MACF1: variants seen among roughly 807,000 people sequenced by gnomAD.
MACF1 encodes microtubule-actin cross-linking factor 1.
In MACF1, 193 loss-of-function variants were observed where a neutral mutation model predicts 854.8. That is an observed-to-expected ratio of 0.23 (90% CI 0.20 to 0.25). MACF1 has a LOEUF of 0.25. Ranked by LOEUF, MACF1 falls within the 10% of genes least tolerant of loss-of-function variation. The pLI, the probability that MACF1 is intolerant of heterozygous loss-of-function variation, is 1.00. For synonymous variants in MACF1, 3,185 were observed against 3,226.7 expected, an observed-to-expected ratio of 0.99 and a Z score of 0.44; for missense variants, 7,722 against 8,929.1, an observed-to-expected ratio of 0.86 and a Z score of 5.45.
chr1:39,240,173 T>A (rs149095923), intron 2 of MACF1, among the ~76,000 whole-genome samples: 2 of 152,232 alleles, frequency 1.3e-5, no homozygotes, highest in Admixed American at 1.3e-4. Flanking sequence ...ACTGGCTCCC[T>A]AATCACTGGG....
intron 85 of MACF1, 33 bp downstream of exon 85, chr1:39,451,244 A>G: frequency 6.2e-7 from 1 of 1,602,482 alleles, no homozygotes; most frequent in Non-Finnish European, 8.5e-7. Context: ...ATTGGAGTGC[A>G]GTGGGTCTTC....
intron 58 of MACF1, chr1:39,413,116 T>C: frequency 6.2e-7 from 1 of 1,608,912 alleles, no homozygotes; most frequent in Non-Finnish European, 8.5e-7. Flanking sequence ...TGTCGCAGGG[T>C]TCTCCCCAGA....
intron 2 of MACF1, among the ~76,000 whole-genome samples, chr1:39,193,784 G>A (rs1012495065): frequency 6.6e-6 from 1 of 152,116 alleles, no homozygotes; most frequent in Non-Finnish European, 1.5e-5. Context: ...CCTGGTAAGA[G>A]AGAGAGGGAG....
chr1:39,304,303 G>A (rs535591271), intron 23 of MACF1: 23 of 650,496 alleles, frequency 3.5e-5, no homozygotes, highest in Non-Finnish European at 5.7e-5. Flanking sequence ...TTCACTCTAC[G>A]TGCTTTCCAA....
rs750635728 is a variant in MACF1, at chr1:39,442,922, C to T, written c.19302+11C>T. On this transcript the variant is annotated intron_variant, in intron 78 of 100. Transcript: ENST00000564288. The stretch of plus-strand genomic sequence containing the variant: ...TCAACTCTGCAGCAGGTACATGTGA[C>T]ATCCAAGTAAGGTAGGAAGAGCTAT... 1.9e-6 allele frequency: 3 copies of T among 1,611,232 alleles called. No individual in the cohort carries two copies. Among genetic ancestry groups the T allele is most frequent in the South Asian group, 2.2e-5 (2 of 90,606 alleles).
intron 1 of MACF1, among the ~76,000 whole-genome samples, chr1:39,218,238 A>G (rs1644603191): frequency 6.6e-6 from 1 of 151,684 alleles, no homozygotes. Flanking sequence ...GCTGGTTTAC[A>G]GACTGATATT....
Position 39,292,839 on chromosome 1 carries a change from T to C in MACF1, c.1988T>C (p.Leu663Ser). Residue 663 changes from leucine to serine, a missense_variant, in exon 17 of 101, where the codon TTG becomes TCG. Transcript: ENST00000564288. ...AAGCTGGAGACACAGTATTGTAAAT[T>C]GAAGGTGAGTTTCTGCCGATTCTCT... is the stretch of plus-strand genomic sequence containing the variant. ...LGKLETQYCK[L>S]KETSSFRMRH... 6.2e-7 allele frequency: 1 copy of C among 1,611,936 alleles called. No homozygotes were observed. The highest frequency in any genetic ancestry group is 8.5e-7 in the Non-Finnish European group (1 of 1,179,126).
intron 6 of MACF1, among the ~76,000 whole-genome samples, chr1:39,271,932 G>T (rs937706669): frequency 7.9e-5 from 12 of 152,214 alleles, no homozygotes; most frequent in Middle Eastern, 3.2e-3. Context: ...GATCTGTAGT[G>T]TGACCATATT....
intron 17 of MACF1, 42 bp from the exon 18 acceptor site, chr1:39,293,416 C>T: frequency 1.9e-6 from 3 of 1,548,756 alleles, no homozygotes; most frequent in African/African-American, 2.7e-5. Context: ...TCTACAGATA[C>T]AAAGGCTGCC....
chr1:39,169,975 G>A (rs1414121099), intron 2 of MACF1, among the ~76,000 whole-genome samples: 2 of 150,838 alleles, frequency 1.3e-5, no homozygotes, highest in Admixed American at 6.6e-5. Flanking sequence ...TAGAGATGGG[G>A]TTTCACCTTG....
At chr1:39,415,508 G>GTATA (rs1286350008) in intron 58 of MACF1, among the ~76,000 whole-genome samples, 5 of 141,686 alleles carry the variant, frequency 3.5e-5, no homozygotes, top group African/African-American at 1.0e-4. Flanking sequence ...GCAATTTTTT[G>GTATA]TATATATATA....
intron 2 of MACF1, among the ~76,000 whole-genome samples, chr1:39,092,668 A>T (rs975202346): frequency 6.6e-6 from 1 of 152,242 alleles, no homozygotes; most frequent in Non-Finnish European, 1.5e-5. Context: ...TGAGAATAGT[A>T]CAGTGAACCC....
Position 39,333,068 on chromosome 1 carries a change from T to G in MACF1, c.6480T>G (p.His2160Gln), listed in dbSNP as rs377755332. 130 of 1,614,044 alleles carry G rather than the reference T, an allele frequency of 8.1e-5. 1 individual carries two copies. In the East Asian group the frequency reaches 2.4e-3, roughly 30 times the overall value. Residue 2160 changes from histidine to glutamine, a missense_variant, in exon 37 of 101, where the codon CAT (histidine) becomes CAG (glutamine). His to Gln is a conservative substitution (Grantham distance 24). Coordinates refer to ENST00000564288, the MANE Select transcript of MACF1 (RefSeq NM_001394062.1). Reference sequence around the variant, plus strand: ...CTGTTGAAACACCAAAGAAAGAACATCAACCTCTAAGAAACACTTCCTTTA... The same window carrying G: ...CTGTTGAAACACCAAAGAAAGAACAGCAACCTCTAAGAAACACTTCCTTTA... ...VFSVETPKKE[H>Q]QPLRNTSFTC...
At chr1:39,380,738 T>C (rs1650107459) in intron 55 of MACF1, among the ~76,000 whole-genome samples, 1 of 152,032 alleles carries the variant, frequency 6.6e-6, no homozygotes, top group Non-Finnish European at 1.5e-5. Context: ...AGATCCTGTC[T>C]CTACAAAAAG....
At chr1:39,239,095 A>G (rs766326758) in intron 2 of MACF1, among the ~76,000 whole-genome samples, 8 of 152,184 alleles carry the variant, frequency 5.3e-5, no homozygotes, top group Non-Finnish European at 8.8e-5. Context: ...AGCCAGGCCA[A>G]CATGGTGAAA....
intron 47 of MACF1, among the ~76,000 whole-genome samples, chr1:39,359,931 G>A (rs2148515776): frequency 7.2e-6 from 1 of 138,550 alleles, no homozygotes; most frequent in East Asian, 2.2e-4. Flanking sequence ...AGCTTGCAGT[G>A]AGCTGAGATC....
chr1:39,438,386 T>C (rs1434718028), intron 71 of MACF1, among the ~76,000 whole-genome samples: 1 of 152,242 alleles, frequency 6.6e-6, no homozygotes, highest in African/African-American at 2.4e-5. Flanking sequence ...TTAGGGGTTT[T>C]GTATCTTAGC....
chr1:39,293,742 T>G, intron 18 of MACF1, 123 bp downstream of exon 18: 1,061 of 709,842 alleles, frequency 1.5e-3, no homozygotes, highest in Non-Finnish European at 2.1e-3. Flanking sequence ...ATAGGGGCCC[T>G]ACTCAATGCA....
Position 39,422,786 on chromosome 1 carries a change from A to G in MACF1, c.16035A>G (p.Gln5345=). The G allele has an allele frequency of 1.2e-6, 2 of 1,614,234 alleles. No individual in the cohort carries two copies. Among genetic ancestry groups the G allele is most frequent in the Non-Finnish European group, 1.7e-6 (2 of 1,180,038 alleles). ...QEALLHCGKF[Q]DALEPLLSWL... ...CTTTGTTGCATTGTGGGAAGTTTCA[A>G]GATGCCTTGGAGCCATTGCTCAGCT... is the stretch of plus-strand genomic sequence containing the variant. Residue 5345 remains glutamine (Q), a synonymous_variant, in exon 60 of 101, where the codon CAA becomes CAG. Coordinates refer to ENST00000564288, the MANE Select transcript of MACF1 (RefSeq NM_001394062.1).
Sources: allele counts gnomAD v4.1 joint callset (sites outside exome capture counted in the v4.1 genomes callset), GRCh38; gene constraint gnomAD v4.1.1; transcripts MANE v1.5; gene names NCBI Gene and HGNC (gene_info 2026-07-23, HGNC 2026-07-21).